PLB1: variants seen among roughly 807,000 people sequenced by gnomAD.
The protein encoded by PLB1 is phospholipase B1, membrane-associated.
A neutral mutation model predicts 227.4 loss-of-function variants in PLB1; 242 were observed. The ratio of observed to expected loss-of-function variants is 1.06; its 90% CI spans 0.96 to 1.18. The LOEUF is 1.18. Among genes scored for constraint, PLB1 ranks in the 50% most tolerant of loss-of-function variants. The probability of loss-of-function intolerance (pLI) is 0.00; values close to 1 mark genes in which losing one functional copy is unlikely to be tolerated. For missense variants in PLB1, 1,858 were observed against 1,816.3 expected (o/e 1.02, Z -0.42); for synonymous variants, 757 against 682.2 (o/e 1.11, Z -1.71).
chr2:28,604,252 G>A (rs1329342742), intron 40 of PLB1, among the ~76,000 whole-genome samples: 1 of 152,170 alleles, frequency 6.6e-6, no homozygotes, highest in Non-Finnish European at 1.5e-5. Context: ...GTAGGATCCA[G>A]GTGGAAAAGC....
Position 28,617,781 on chromosome 2 carries a change from A to G in PLB1, c.3250A>G (p.Thr1084Ala), listed in dbSNP as rs765942077. The G allele has an allele frequency of 3.1e-6, 5 of 1,613,764 alleles. No homozygotes were observed. The highest frequency in any genetic ancestry group is 4.2e-6 in the Non-Finnish European group (5 of 1,179,646). The part of the protein sequence containing the change: ...TEWKASNSVP[T>A]SVHQLRPADI... ...GTGGAAGGCTTCCAATAGTGTTCCA[A>G]CCTCTGGTGAGTGAAAACATCATCA... The change falls in exon 45 of 58, where the codon ACC becomes GCC. Residue 1084 changes from threonine to alanine, a missense_variant. Coordinates refer to ENST00000327757, the MANE Select transcript of PLB1 (RefSeq NM_153021.5).
At chr2:28,591,592 G>T in intron 30 of PLB1, 108 bp from the exon 31 acceptor site, 1 of 1,185,016 alleles carries the variant, frequency 8.4e-7, no homozygotes, top group Non-Finnish European at 1.2e-6. Flanking sequence ...CTCCCTAGGA[G>T]TAGGACCCAG....
chr2:28,612,940 A>G (rs949138600), intron 43 of PLB1, among the ~76,000 whole-genome samples: 32 of 150,138 alleles, frequency 2.1e-4, no homozygotes, highest in Admixed American at 2.0e-3. Context: ...TTTTTATTGA[A>G]ACAGAGTCTC....
intron 23 of PLB1, among the ~76,000 whole-genome samples, chr2:28,580,380 A>C (rs1034404343): frequency 1.3e-5 from 2 of 152,242 alleles, no homozygotes; most frequent in Non-Finnish European, 2.9e-5. Flanking sequence ...CAAAGCAGAC[A>C]TCAGGATGTT....
At position 28,558,125 on chromosome 2, in the gene PLB1, C is replaced by A. The variant is rs190891892; in HGVS notation, c.1148-4916C>A. Among the ~76,000 whole-genome samples the A allele has an allele frequency of 2.0e-5, 3 of 148,774 alleles. No individual in the cohort carries two copies. The East Asian group carries it at 6.1e-4, about 30-fold the overall frequency. On this transcript the variant is annotated intron_variant, in intron 17 of 57. Coordinates refer to ENST00000327757, the MANE Select transcript of PLB1 (RefSeq NM_153021.5). ...CTATCTATACATATGTATGTACACA[C>A]AGACATAAACATAGGGGGGTGTGTG...
At chr2:28,525,233 CT>C in intron 4 of PLB1, 33 bp from the exon 5 acceptor site, 1 of 1,608,632 alleles carries the variant, frequency 6.2e-7, no homozygotes, top group East Asian at 2.2e-5. Context: ...GCCACCTCCC[CT>C]GGCTGGGTGT....
At chr2:28,504,491 C>T (rs1272406067) in intron 1 of PLB1, among the ~76,000 whole-genome samples, 1 of 152,052 alleles carries the variant, frequency 6.6e-6, no homozygotes, top group Non-Finnish European at 1.5e-5. Context: ...GTCTGTTATC[C>T]CAGCACTTTG....
intron 26 of PLB1, 102 bp downstream of exon 26, chr2:28,585,944 G>A (rs1680836485): frequency 9.4e-7 from 1 of 1,063,656 alleles, no homozygotes; most frequent in Non-Finnish European, 1.4e-6. Context: ...ACCCTGTGTG[G>A]GGGATGACCA....
Position 28,549,412 on chromosome 2 carries a change from C to CTTTTTTTTTTTTTTTTTTTTT in PLB1, c.1008+483_1008+503dup, listed in dbSNP as rs746205635. 2.3e-5 allele frequency among the ~76,000 whole-genome samples: 2 copies of CTTTTTTTTTTTTTTTTTTTTT among 87,276 alleles called. 1 individual carries two copies. The highest frequency in any genetic ancestry group is 9.1e-5 in the African/African-American group (2 of 21,858). The allele number at this position is 87,276 out of a possible 152,430, so 57.3% of individuals were successfully genotyped here. A position where few individuals can be genotyped will look rare whatever the true frequency, so the allele number is the denominator to read the frequency against. On this transcript the variant is annotated intron_variant, in intron 15 of 57. Coordinates refer to ENST00000327757, the MANE Select transcript of PLB1 (RefSeq NM_153021.5). ...TGGACATAAATGAATGAGATTCTTTCTTTTTTTTTTTTTTTTTTTTTTGAG... is the reference window on the plus strand; with the variant it reads ...TGGACATAAATGAATGAGATTCTTTCTTTTTTTTTTTTTTTTTTTTTTTTTTTTTTTTTTTTTTTTTTTGAG...
intron 1 of PLB1, among the ~76,000 whole-genome samples, 177 bp from the exon 2 acceptor site, chr2:28,516,631 C>T (rs377754805): frequency 2.6e-5 from 4 of 152,258 alleles, no homozygotes; most frequent in East Asian, 3.9e-4. Context: ...AATGGAAGCA[C>T]GGTGTCCCAC....
intron 53 of PLB1, 23 bp from the exon 54 acceptor site, chr2:28,630,563 A>C (rs768504134): frequency 6.2e-7 from 1 of 1,608,680 alleles, no homozygotes; most frequent in African/African-American, 1.3e-5. Flanking sequence ...GGCAGCCTCA[A>C]TACAACACTC....
intron 31 of PLB1, among the ~76,000 whole-genome samples, chr2:28,592,203 C>T (rs1682080422): frequency 6.6e-6 from 1 of 152,210 alleles, no homozygotes; most frequent in South Asian, 2.1e-4. Flanking sequence ...TTCTCAGACT[C>T]TTGGTGGAAA....
At chr2:28,569,369 C>T (rs550975951) in intron 20 of PLB1, among the ~76,000 whole-genome samples, 5 of 152,106 alleles carry the variant, frequency 3.3e-5, no homozygotes, top group African/African-American at 4.8e-5. Context: ...ATAGACCCTG[C>T]TCTCAGGATG....
At chr2:28,581,251 C>T (rs1390135158) in intron 23 of PLB1, among the ~76,000 whole-genome samples, 2 of 152,106 alleles carry the variant, frequency 1.3e-5, no homozygotes, top group Admixed American at 1.3e-4. Flanking sequence ...CTCTTCCCCT[C>T]CCATTATTGC....
rs1683480503 is a variant in PLB1, at chr2:28,599,248, T to C, written c.2474+488T>C. ...GAAATGGAATGGAGAAGCCCAGAGG[T>C]ACCCAAAGAAGAGCAACTGCCCAGC... is the stretch of plus-strand genomic sequence containing the variant. On this transcript the variant is annotated intron_variant, in intron 35 of 57. Coordinates refer to ENST00000327757, the MANE Select transcript of PLB1 (RefSeq NM_153021.5). Among the ~76,000 whole-genome samples the C allele has an allele frequency of 2.0e-5, 3 of 152,240 alleles. No individual in the cohort carries two copies. In the South Asian group the frequency reaches 6.2e-4, roughly 32 times the overall value.
At chr2:28,525,997 C>G (rs1274037770) in intron 6 of PLB1, 52 bp downstream of exon 6, 1 of 1,597,916 alleles carries the variant, frequency 6.3e-7, no homozygotes, top group Non-Finnish European at 8.6e-7. Flanking sequence ...TCCTTCCCAA[C>G]ACAGCAGCAT....
Position 28,643,043 on chromosome 2 carries a change from G to C in PLB1, c.4359G>C (p.Leu1453=). Residue 1453 remains leucine, a synonymous_variant, in exon 58 of 58, where the codon CTG becomes CTC. Transcript: ENST00000327757. Reference sequence around the variant, plus strand: ...GGAGGGAAGATCCTCCAATGAGCCTGCGCACTGTGGCCCTCTAGGCCCGGG... The same window carrying C: ...GGAGGGAAGATCCTCCAATGAGCCTCCGCACTGTGGCCCTCTAGGCCCGGG... The part of the protein sequence containing the change: ...GGRREDPPMS[L]RTVAL 1 of 1,606,076 alleles carries C rather than the reference G, an allele frequency of 6.2e-7. No homozygotes were observed. The highest frequency in any genetic ancestry group is 1.7e-5 in the Admixed American group (1 of 59,154).
At chr2:28,577,955 G>A (rs971434139) in intron 21 of PLB1, 152 bp from the exon 22 acceptor site, 1 of 754,684 alleles carries the variant, frequency 1.3e-6, no homozygotes, top group South Asian at 1.5e-5. Flanking sequence ...CCTGAATGGG[G>A]AAGAAGCTCT....
At position 28,540,390 on chromosome 2, in the gene PLB1, C is replaced by T; in HGVS notation, c.723C>T (p.Cys241=). 1 of 1,614,058 alleles carries T rather than the reference C, an allele frequency of 6.2e-7. No homozygotes were observed. The part of the protein sequence containing the change: ...WLSPAPEPCN[C]SEETTRLAKV... ...GCCCTGCACCAGAGCCCTGTAATTGCTCAGAGGAGACCACCCGGCTGGCCA... is the reference window on the plus strand; with the variant it reads ...GCCCTGCACCAGAGCCCTGTAATTGTTCAGAGGAGACCACCCGGCTGGCCA... Residue 241 remains cysteine, a synonymous_variant, in exon 12 of 58, where the codon TGC becomes TGT. Coordinates refer to ENST00000327757, the MANE Select transcript of PLB1 (RefSeq NM_153021.5).
Sources: gnomAD v4.1 joint callset for allele counts (sites outside exome capture counted in the v4.1 genomes callset) on GRCh38, gnomAD v4.1.1 for gene constraint, MANE v1.5 for transcripts, NCBI Gene and HGNC (gene_info 2026-07-23, HGNC 2026-07-21) for gene names.